Variants in VMA21 observed in about 807,000 individuals in gnomAD.
VMA21 encodes vacuolar ATPase assembly integral membrane protein VMA21.
For synonymous variants in VMA21, 47 were observed against 34.1 expected, an observed-to-expected ratio of 1.38 and a Z score of -1.32; for missense variants, 61 against 80.6, an observed-to-expected ratio of 0.76 and a Z score of 0.93.
chrX:151,398,186 T>TG (rs1044886376), intron 1 of VMA21, among the ~76,000 whole-genome samples: 5 of 108,197 alleles, frequency 4.6e-5, no homozygotes, highest in African/African-American at 1.4e-4. Context: ...TGTGAGTTTT[T>TG]TTTTTTTTTT....
At chrX:151,402,776 T>C (rs1364502172) in intron 1 of VMA21, among the ~76,000 whole-genome samples, 1 of 111,610 alleles carries the variant, frequency 9.0e-6, no homozygotes, top group Non-Finnish European at 1.9e-5. Context: ...CAGGGACTGG[T>C]GTGGCAGTGG....
chrX:151,397,418 C>CT, intron 1 of VMA21, 57 bp downstream of exon 1: 2 of 1,129,789 alleles, frequency 1.8e-6, no homozygotes, highest in Non-Finnish European at 2.4e-6. Flanking sequence ...TGGAGCAGGG[C>CT]TTGAGGGAAG....
chrX:151,408,970 T>C lies in VMA21; in HGVS notation c.*3912T>C, dbSNP rs2011324469. 1 of 112,794 alleles carries C rather than the reference T, an allele frequency of 8.9e-6. No homozygotes were observed. Among genetic ancestry groups the C allele is most frequent in the Non-Finnish European group, 1.9e-5 (1 of 53,311 alleles). 9.3% of individuals were successfully genotyped at this position (112,794 alleles called of 1,213,427 possible). A position where few individuals can be genotyped will look rare whatever the true frequency, so the allele number is the denominator to read the frequency against. ...GTGTAATCTCACTGAACAGTAATAA[T>C]AGCAATAGCTAACAACATCTGCACA... On this transcript the variant is annotated 3_prime_UTR_variant, in exon 3 of 3. Transcript: ENST00000330374.
At chrX:151,397,874 A>C (rs1351912675) in intron 1 of VMA21, among the ~76,000 whole-genome samples, 1 of 111,699 alleles carries the variant, frequency 9.0e-6, no homozygotes, top group Non-Finnish European at 1.9e-5. Context: ...GTTCTGGCCC[A>C]CCCCAGTAGG....
chrX:151,397,305 C>T lies in VMA21; in HGVS notation c.-4C>T. 9.5e-6 allele frequency: 11 copies of T among 1,161,072 alleles called. No individual in the cohort carries two copies. Among genetic ancestry groups the T allele is most frequent in the Non-Finnish European group, 1.3e-5 (11 of 872,467 alleles). On this transcript the variant is annotated 5_prime_UTR_variant, in exon 1 of 3. Transcript: ENST00000330374. Reference sequence around the variant, plus strand: ...CCGAGCGCCTGTGCCGGCACGGCTACACCATGGAGCGCCCGGATAAGGCGG... The same window carrying T: ...CCGAGCGCCTGTGCCGGCACGGCTATACCATGGAGCGCCCGGATAAGGCGG...
Position 151,409,289 on chromosome X carries a change from G to A in VMA21, c.*4231G>A, listed in dbSNP as rs2011327815. 1 of 111,560 alleles carries A rather than the reference G, an allele frequency of 9.0e-6. No individual in the cohort carries two copies. Among genetic ancestry groups the A allele is most frequent in the Admixed American group, 9.5e-5 (1 of 10,515 alleles). The allele number at this position is 111,560 out of a possible 1,213,427, so 9.2% of individuals were successfully genotyped here. ...TCTAACCGTTTTCTGGATGGATTTT[G>A]TATTCACTATATTGTAGCTTGTAAT... On this transcript the variant is annotated 3_prime_UTR_variant, in exon 3 of 3. Transcript: ENST00000330374.
At position 151,401,294 on chromosome X, in the gene VMA21, T is replaced by C. The variant is rs142100277; in HGVS notation, c.54-2337T>C. Reference sequence around the variant, plus strand: ...TATTGAAGGGACTGTCCTTTCCCCATTGTGTTCCTCTTAACACCCCTGTCG... The same window carrying C: ...TATTGAAGGGACTGTCCTTTCCCCACTGTGTTCCTCTTAACACCCCTGTCG... On this transcript the variant is annotated intron_variant, in intron 1 of 2. Transcript: ENST00000330374. Among the ~76,000 whole-genome samples, 102 of 112,228 alleles carry C rather than the reference T, an allele frequency of 9.1e-4. No individual in the cohort carries two copies. In the East Asian group the frequency reaches 0.026, roughly 28 times the overall value.
Position 151,407,461 on chromosome X carries a change from A to T in VMA21, c.*2403A>T, listed in dbSNP as rs1258491262. ...TGTCTCACTAGTTTCCTTTTACACA[A>T]TGTATATACTTCAAGATGTATAGAA... On this transcript the variant is annotated 3_prime_UTR_variant, in exon 3 of 3. Coordinates refer to ENST00000330374, the MANE Select transcript of VMA21 (RefSeq NM_001017980.4). The T allele has an allele frequency of 8.9e-6, 1 of 112,894 alleles. No homozygotes were observed. Among genetic ancestry groups the T allele is most frequent in the Non-Finnish European group, 1.9e-5 (1 of 53,321 alleles). 9.3% of individuals were successfully genotyped at this position (112,894 alleles called of 1,213,427 possible). A position where few individuals can be genotyped will look rare whatever the true frequency, so the allele number is the denominator to read the frequency against.
At chrX:151,397,099 TGCGTCGCTGCGGCGCGCCGCGCC>T, upstream of VMA21, 2 of 362,096 alleles carry the variant, frequency 5.5e-6, no homozygotes, top group Non-Finnish European at 4.6e-6. Context: ...GCAACAGCCC[TGCGTCGCTGCGGCGCGCCGCGCC>T]GCGCCGCGCC....
In VMA21 at chrX:151,405,711, C is replaced by CT. The variant is rs1440804790; in HGVS notation, c.*654dup. 1 of 112,395 alleles carries CT rather than the reference C, an allele frequency of 8.9e-6. No homozygotes were observed. The highest frequency in any genetic ancestry group is 1.9e-5 in the Non-Finnish European group (1 of 53,305). 9.3% of individuals were successfully genotyped at this position (112,395 alleles called of 1,213,427 possible). A position where few individuals can be genotyped will look rare whatever the true frequency, so the allele number is the denominator to read the frequency against. On this transcript the variant is annotated 3_prime_UTR_variant, in exon 3 of 3. Coordinates refer to ENST00000330374, the MANE Select transcript of VMA21 (RefSeq NM_001017980.4). ...AGATCTCACTACTCAAACACTCAGC[C>CT]TGCTTCCTTCAAGTCCCCTTGCAGG...
At position 151,409,071 on chromosome X, in the gene VMA21, CTT is replaced by C. The variant is rs1188806081; in HGVS notation, c.*4014_*4015del. ...ATAGTGAACCTGTTACGAGATGTCT[CTT>C]GACGTCGATGCTAAAAGTGTTAGAA... On this transcript the variant is annotated 3_prime_UTR_variant, in exon 3 of 3. Transcript: ENST00000330374. 8.9e-6 allele frequency: 1 copy of C among 112,571 alleles called. No homozygotes were observed. The highest frequency in any genetic ancestry group is 3.2e-5 in the African/African-American group (1 of 30,923). 9.3% of individuals were successfully genotyped at this position (112,571 alleles called of 1,213,427 possible).
Position 151,407,346 on chromosome X carries a change from G to GA in VMA21, c.*2289dup, listed in dbSNP as rs984032500. 2.7e-5 allele frequency: 3 copies of GA among 112,901 alleles called. No homozygotes were observed. Among genetic ancestry groups the GA allele is most frequent in the African/African-American group, 9.7e-5 (3 of 31,011 alleles). 9.3% of individuals were successfully genotyped at this position (112,901 alleles called of 1,213,427 possible). On this transcript the variant is annotated 3_prime_UTR_variant, in exon 3 of 3. Transcript: ENST00000330374. ...TTGTTTTCAAAGCAGTTTTTTCCTA[G>GA]AGTTTTAACTGTTAACTCACTAGTT...
rs1403761294 is a variant in VMA21, at chrX:151,407,183, C to T, written c.*2125C>T. 1 of 112,725 alleles carries T rather than the reference C, an allele frequency of 8.9e-6. No individual in the cohort carries two copies. Among genetic ancestry groups the T allele is most frequent in the Non-Finnish European group, 1.9e-5 (1 of 53,328 alleles). The allele number at this position is 112,725 out of a possible 1,213,427, so 9.3% of individuals were successfully genotyped here. On this transcript the variant is annotated 3_prime_UTR_variant, in exon 3 of 3. Coordinates refer to ENST00000330374, the MANE Select transcript of VMA21 (RefSeq NM_001017980.4). Reference sequence around the variant, plus strand: ...GGCATTTGCTGAATAGGTGATGATACATGGGTATTTTTCTGCAAGTATTTA... The same window carrying T: ...GGCATTTGCTGAATAGGTGATGATATATGGGTATTTTTCTGCAAGTATTTA...
At position 151,409,298 on chromosome X, in the gene VMA21, A is replaced by G. The variant is rs1248009671; in HGVS notation, c.*4240A>G. On this transcript the variant is annotated 3_prime_UTR_variant, in exon 3 of 3. Transcript: ENST00000330374. The stretch of plus-strand genomic sequence containing the variant: ...TTTCTGGATGGATTTTGTATTCACT[A>G]TATTGTAGCTTGTAATTTGTATAAA... 2 of 111,800 alleles carry G rather than the reference A, an allele frequency of 1.8e-5. No homozygotes were observed. Among genetic ancestry groups the G allele is most frequent in the African/African-American group, 3.3e-5 (1 of 30,695 alleles). 9.2% of individuals were successfully genotyped at this position (111,800 alleles called of 1,213,427 possible).
chrX:151,408,452 A>G lies in VMA21; in HGVS notation c.*3394A>G, dbSNP rs925972320. 2 of 112,237 alleles carry G rather than the reference A, an allele frequency of 1.8e-5. No homozygotes were observed. The highest frequency in any genetic ancestry group is 6.5e-5 in the African/African-American group (2 of 30,870). 9.2% of individuals were successfully genotyped at this position (112,237 alleles called of 1,213,427 possible). ...CTTATCTCTAGACAAGTTCATGTTT[A>G]TTGTTTAATTTATGCCCAAGTGAAG... On this transcript the variant is annotated 3_prime_UTR_variant, in exon 3 of 3. Coordinates refer to ENST00000330374, the MANE Select transcript of VMA21 (RefSeq NM_001017980.4).
chrX:151,399,528 G>T (rs1216644150), intron 1 of VMA21, among the ~76,000 whole-genome samples: 3 of 111,894 alleles, frequency 2.7e-5, no homozygotes, highest in Non-Finnish European at 5.6e-5. Context: ...AAACACCAAA[G>T]TCAAGTGCTT....
Position 151,406,621 on chromosome X carries a change from T to A in VMA21, c.*1563T>A, listed in dbSNP as rs1319675935. 1.8e-5 allele frequency: 2 copies of A among 111,409 alleles called. No individual in the cohort carries two copies. The highest frequency in any genetic ancestry group is 3.8e-5 in the Non-Finnish European group (2 of 53,088). The allele number at this position is 111,409 out of a possible 1,213,427, so 9.2% of individuals were successfully genotyped here. A position where few individuals can be genotyped will look rare whatever the true frequency, so the allele number is the denominator to read the frequency against. ...ATCTTGAACTTGTGACCTCAGGTGATCCACCCGCCTCGGCCTCCGAAAGTG... is the reference window on the plus strand; with the variant it reads ...ATCTTGAACTTGTGACCTCAGGTGAACCACCCGCCTCGGCCTCCGAAAGTG... On this transcript the variant is annotated 3_prime_UTR_variant, in exon 3 of 3. Coordinates refer to ENST00000330374, the MANE Select transcript of VMA21 (RefSeq NM_001017980.4).
chrX:151,401,245 A>G (rs1306184610), intron 1 of VMA21, among the ~76,000 whole-genome samples: 1 of 111,611 alleles, frequency 9.0e-6, no homozygotes, highest in East Asian at 2.8e-4. Flanking sequence ...TTGCATGTAG[A>G]AATCCTGTTT....
At chrX:151,397,485 A>T in intron 1 of VMA21, 124 bp downstream of exon 1, 30 of 701,495 alleles carry the variant, frequency 4.3e-5, no homozygotes, top group Non-Finnish European at 5.3e-5. Flanking sequence ...GCCTCAGGGA[A>T]GGGGGCGGGG....
Sources: gnomAD v4.1 joint callset for allele counts (sites outside exome capture counted in the v4.1 genomes callset) on GRCh38, gnomAD v4.1.1 for gene constraint, MANE v1.5 for transcripts, NCBI Gene and HGNC (gene_info 2026-07-23, HGNC 2026-07-21) for gene names.